Variants in MAGEC3 observed in about 807,000 individuals in gnomAD.
MAGEC3 encodes MAGE family member C3.
Under a neutral mutation model 35.3 loss-of-function variants are expected in MAGEC3, and 34 were observed. That is an observed-to-expected ratio of 0.96 (90% CI 0.73 to 1.28). The LOEUF (loss-of-function observed/expected upper bound fraction) is 1.28. Ranked by LOEUF, MAGEC3 falls within the 50% of genes most tolerant of loss-of-function variation. MAGEC3 has a pLI of 0.00. For synonymous variants in MAGEC3, 202 were observed against 185.6 expected, an observed-to-expected ratio of 1.09 and a Z score of -0.72; for missense variants, 561 against 483.6, an observed-to-expected ratio of 1.16 and a Z score of -1.50.
intron 4 of MAGEC3, among the ~76,000 whole-genome samples, chrX:141,887,837 G>T (rs1203675828): frequency 3.6e-5 from 4 of 111,813 alleles, no homozygotes; most frequent in South Asian, 7.5e-4. Context: ...CTAGGATTTT[G>T]GAGCAAGGCC....
At chrX:141,842,822 A>G (rs140321564) in intron 1 of MAGEC3, among the ~76,000 whole-genome samples, 3,528 of 111,386 alleles carry the variant, frequency 0.032, 158 homozygotes, top group African/African-American at 0.11. Flanking sequence ...TCTCTCCTAC[A>G]TTGTTAGCTA....
Position 141,897,763 on chromosome X carries a change from C to T in MAGEC3, c.1863C>T (p.Thr621=). Residue 621 remains threonine, a synonymous_variant, in exon 8 of 8, where the codon ACC becomes ACT. Coordinates refer to ENST00000298296, the MANE Select transcript of MAGEC3 (RefSeq NM_138702.1). Reference sequence around the variant, plus strand: ...ACAGAGCCCAGGCCATAATTGACACCACAGATGATGCTACTGCCATGGCCA... The same window carrying T: ...ACAGAGCCCAGGCCATAATTGACACTACAGATGATGCTACTGCCATGGCCA... ...MEDRAQAIID[T]TDDATAMASA... 8.3e-7 allele frequency: 1 copy of T among 1,210,294 alleles called. No homozygotes were observed.
intron 1 of MAGEC3, among the ~76,000 whole-genome samples, chrX:141,848,539 A>C (rs1433443884): frequency 9.0e-6 from 1 of 111,392 alleles, no homozygotes; most frequent in Admixed American, 9.5e-5. Flanking sequence ...TAGCCAAACG[A>C]AAGTGAAATA....
At chrX:141,876,760 T>G (rs2017922201) in intron 2 of MAGEC3, among the ~76,000 whole-genome samples, 2 of 112,369 alleles carry the variant, frequency 1.8e-5, no homozygotes. Context: ...TGTATGGATA[T>G]TCTGTTGTTC....
At chrX:141,877,865 C>T (rs2017929706) in intron 2 of MAGEC3, among the ~76,000 whole-genome samples, 1 of 111,946 alleles carries the variant, frequency 8.9e-6, no homozygotes. Context: ...ACACTCAATG[C>T]CTCCTGTTAT....
At chrX:141,892,502 A>G (rs1003723674) in intron 4 of MAGEC3, among the ~76,000 whole-genome samples, 12 of 111,397 alleles carry the variant, frequency 1.1e-4, no homozygotes, top group African/African-American at 3.6e-4. Context: ...CTATTTTTTA[A>G]ATGTTACTGA....
In MAGEC3 at chrX:141,881,696, T is replaced by A; in HGVS notation, c.809T>A (p.Met270Lys). ...CEGSLSDEQG[M>K]PQNRLLILIL... The stretch of plus-strand genomic sequence containing the variant: ...GGGAGTCTGAGTGATGAGCAGGGCA[T>A]GCCCCAGAACCGCCTCCTGATTCTT... Residue 270 changes from methionine to lysine, a missense_variant, in exon 4 of 8, where the codon ATG becomes AAG. Coordinates refer to ENST00000298296, the MANE Select transcript of MAGEC3 (RefSeq NM_138702.1). 2 of 1,211,624 alleles carry A rather than the reference T, an allele frequency of 1.7e-6. No individual in the cohort carries two copies. Among genetic ancestry groups the A allele is most frequent in the Non-Finnish European group, 2.2e-6 (2 of 895,434 alleles).
At chrX:141,890,351 C>T (rs974197328) in intron 4 of MAGEC3, among the ~76,000 whole-genome samples, 1 of 110,711 alleles carries the variant, frequency 9.0e-6, no homozygotes, top group Non-Finnish European at 1.9e-5. Flanking sequence ...ACTACAGGTG[C>T]GTGCCACCAA....
chrX:141,862,439 A>C (rs1310719859), intron 1 of MAGEC3, among the ~76,000 whole-genome samples: 2 of 112,453 alleles, frequency 1.8e-5, no homozygotes, highest in Admixed American at 1.9e-4. Context: ...CTGGCTATTT[A>C]TCCAAAGGGA....
intron 2 of MAGEC3, among the ~76,000 whole-genome samples, chrX:141,875,680 A>G (rs1374022644): frequency 1.8e-5 from 2 of 111,909 alleles, no homozygotes; most frequent in African/African-American, 6.5e-5. Context: ...AGGAGGTAAA[A>G]GAATAGGTTT....
At chrX:141,895,137 G>C (rs1264598369) in intron 4 of MAGEC3, 132 bp from the exon 5 acceptor site, 20 of 739,791 alleles carry the variant, frequency 2.7e-5, no homozygotes, top group Middle Eastern at 4.9e-4. Context: ...CAAAGGGGTC[G>C]GGGGGCGCTG....
chrX:141,850,297 G>T (rs183381702), intron 1 of MAGEC3, among the ~76,000 whole-genome samples: 1 of 110,401 alleles, frequency 9.1e-6, no homozygotes, highest in Admixed American at 9.7e-5. Flanking sequence ...TGGGTGATAG[G>T]ATCTATACTC....
At chrX:141,839,858 G>T in intron 1 of MAGEC3, 2 of 470,115 alleles carry the variant, frequency 4.3e-6, no homozygotes, top group Non-Finnish European at 5.3e-6. Flanking sequence ...GAATGCTACT[G>T]GTATTTAATA....
At chrX:141,893,383 G>A (rs1489719132) in intron 4 of MAGEC3, among the ~76,000 whole-genome samples, 1 of 111,169 alleles carries the variant, frequency 9.0e-6, no homozygotes, top group African/African-American at 3.3e-5. Flanking sequence ...AGTGGTTTCC[G>A]GAGGCTGAGG....
intron 4 of MAGEC3, among the ~76,000 whole-genome samples, chrX:141,892,642 A>G (rs1480323085): frequency 9.0e-6 from 1 of 111,191 alleles, no homozygotes. Flanking sequence ...ATTCACAAAC[A>G]CATTTTATCA....
chrX:141,849,055 G>A (rs926650879), intron 1 of MAGEC3, among the ~76,000 whole-genome samples: 4 of 110,980 alleles, frequency 3.6e-5, no homozygotes, highest in African/African-American at 1.3e-4. Context: ...AAAAAACATG[G>A]TAGTGGTATA....
chrX:141,866,723 G>A lies in MAGEC3; in HGVS notation c.258+1118G>A, dbSNP rs62611960. 7.4e-3 allele frequency among the ~76,000 whole-genome samples: 831 copies of A among 112,181 alleles called. 3 individuals are homozygous for A. Among genetic ancestry groups the A allele is most frequent in the Non-Finnish European group, 0.013 (698 of 53,207 alleles). ...TAAAATGAAGTAACACATAAAAAAGGAATTTATCCAGGTATCTGATAAATA... is the reference window on the plus strand; with the variant it reads ...TAAAATGAAGTAACACATAAAAAAGAAATTTATCCAGGTATCTGATAAATA... On this transcript the variant is annotated intron_variant, in intron 2 of 7. Transcript: ENST00000298296.
At chrX:141,872,449 C>A (rs148704785) in intron 2 of MAGEC3, among the ~76,000 whole-genome samples, 1 of 111,068 alleles carries the variant, frequency 9.0e-6, no homozygotes, top group East Asian at 2.9e-4. Flanking sequence ...GACCCAGAAT[C>A]CTCTTTCTGA....
intron 1 of MAGEC3, among the ~76,000 whole-genome samples, chrX:141,853,301 G>T (rs1248556258): frequency 9.0e-6 from 1 of 111,440 alleles, no homozygotes; most frequent in Non-Finnish European, 1.9e-5. Flanking sequence ...CACTTCCACA[G>T]AGACTGATTA....
Sources: allele counts gnomAD v4.1 joint callset (sites outside exome capture counted in the v4.1 genomes callset), GRCh38; gene constraint gnomAD v4.1.1; transcripts MANE v1.5; gene names NCBI Gene and HGNC (gene_info 2026-07-23, HGNC 2026-07-21).